The following COPG2 variants were observed in gnomAD, a reference collection of about 807,000 sequenced individuals.
The protein encoded by COPG2 is coatomer subunit gamma-2.
COPG2 carries 37 observed loss-of-function variants against 46.3 expected under a neutral mutation model. The observed-to-expected ratio is 0.80, with a 90% CI of 0.61 to 1.05. The LOEUF (loss-of-function observed/expected upper bound fraction) is 1.05, where lower values mean the gene tolerates loss of function less well. Ranked by LOEUF, COPG2 falls within the 50% of genes least tolerant of loss-of-function variation. COPG2 has a pLI of 0.00. For synonymous variants in COPG2, 159 were observed against 129.7 expected, an observed-to-expected ratio of 1.23 and a Z score of -1.53; for missense variants, 427 against 387.8, an observed-to-expected ratio of 1.10 and a Z score of -0.85.
rs1793746938 is a variant in COPG2 at position 130,563,339 on chromosome 7, A to G, written c.872-3T>C. The G allele has an allele frequency of 2.6e-6, 1 of 380,504 alleles. No individual in the cohort carries two copies. Among genetic ancestry groups the G allele is most frequent in the Non-Finnish European group, 4.7e-6 (1 of 214,994 alleles). The allele number at this position is 380,504 out of a possible 1,614,324, so 23.6% of individuals were successfully genotyped here. A position where few individuals can be genotyped will look rare whatever the true frequency, so the allele number is the denominator to read the frequency against. ...AGAACTACAGAAAAGTTGAAGAACT[A>G]AAAAAAAATAATAATAATAATATGT... On this transcript the variant is annotated splice_region_variant and splice_polypyrimidine_tract_variant and intron_variant, in intron 10 of 23. Transcript: ENST00000425248.
At chr7:130,536,279 C>T (rs1799878601) in intron 20 of COPG2, among the ~76,000 whole-genome samples, 1 of 151,932 alleles carries the variant, frequency 6.6e-6, no homozygotes, top group African/African-American at 2.4e-5. Flanking sequence ...GGAAGTGTAC[C>T]TGGAAATACC....
At chr7:130,592,050 G>A (rs537143178) in intron 9 of COPG2, among the ~76,000 whole-genome samples, 1 of 152,332 alleles carries the variant, frequency 6.6e-6, no homozygotes, top group East Asian at 1.9e-4. Context: ...ATTTTGTTCT[G>A]TACTAACAAA....
intron 9 of COPG2, among the ~76,000 whole-genome samples, chr7:130,590,413 G>A (rs1584987200): frequency 6.6e-6 from 1 of 152,208 alleles, no homozygotes; most frequent in African/African-American, 2.4e-5. Flanking sequence ...GCGCCGCCAC[G>A]CCTGACTGGT....
At chr7:130,593,298 A>C (rs528177636) in intron 9 of COPG2, among the ~76,000 whole-genome samples, 8 of 152,376 alleles carry the variant, frequency 5.3e-5, no homozygotes, top group Middle Eastern at 6.8e-3. Flanking sequence ...AATGAATAAA[A>C]TATCTGGAAA....
chr7:130,527,313 T>C (rs1799783767), intron 20 of COPG2, among the ~76,000 whole-genome samples: 1 of 151,228 alleles, frequency 6.6e-6, no homozygotes, highest in South Asian at 2.1e-4. Flanking sequence ...AGAGAGTGCC[T>C]GGCATACATG....
intron 20 of COPG2, among the ~76,000 whole-genome samples, chr7:130,545,808 T>C (rs1161786849): frequency 3.9e-5 from 6 of 152,144 alleles, no homozygotes; most frequent in African/African-American, 1.4e-4. Flanking sequence ...TAAAACTCCT[T>C]AGTGAAGAGG....
chr7:130,666,811 C>T (rs782358267), intron 3 of COPG2, 38 bp downstream of exon 3: 3 of 895,664 alleles, frequency 3.3e-6, no homozygotes, highest in South Asian at 3.1e-5. Flanking sequence ...ATTTCTATTC[C>T]AGGACACACT....
At chr7:130,592,191 T>C (rs1794443757) in intron 9 of COPG2, among the ~76,000 whole-genome samples, 1 of 152,144 alleles carries the variant, frequency 6.6e-6, no homozygotes, top group Non-Finnish European at 1.5e-5. Context: ...GTTAAACAGA[T>C]GCTTGAAGGC....
chr7:130,517,992 C>T (rs1175896714), intron 20 of COPG2, among the ~76,000 whole-genome samples: 1 of 152,162 alleles, frequency 6.6e-6, no homozygotes, highest in Non-Finnish European at 1.5e-5. Flanking sequence ...GAGCAGGAGC[C>T]AGAAAACAGA....
chr7:130,625,458 T>C (rs1795102437), intron 5 of COPG2, among the ~76,000 whole-genome samples: 1 of 152,098 alleles, frequency 6.6e-6, no homozygotes, highest in Non-Finnish European at 1.5e-5. Context: ...ATAATGAACA[T>C]CCTTGCTGTG....
At chr7:130,544,683 T>C (rs1793400751) in intron 20 of COPG2, among the ~76,000 whole-genome samples, 1 of 152,180 alleles carries the variant, frequency 6.6e-6, no homozygotes, top group African/African-American at 2.4e-5. Context: ...ATATAATATA[T>C]ATTGTTACGG....
At chr7:130,519,218 G>C (rs1263669944) in intron 20 of COPG2, among the ~76,000 whole-genome samples, 3 of 152,148 alleles carry the variant, frequency 2.0e-5, no homozygotes, top group African/African-American at 7.2e-5. Flanking sequence ...TGTTAAGCTA[G>C]ATACCAACCA....
chr7:130,650,862 A>C (rs1033577588), intron 5 of COPG2, among the ~76,000 whole-genome samples: 67 of 152,328 alleles, frequency 4.4e-4, no homozygotes, highest in African/African-American at 1.5e-3. Flanking sequence ...ACAATGGAGA[A>C]TGTCCAAAGA....
intron 20 of COPG2, among the ~76,000 whole-genome samples, chr7:130,527,850 A>G (rs1259115457): frequency 6.6e-6 from 1 of 152,122 alleles, no homozygotes; most frequent in African/African-American, 2.4e-5. Context: ...TGAAAAGGCA[A>G]TGGGACCACG....
chr7:130,605,773 C>T (rs201161422), intron 9 of COPG2: 204 of 520,038 alleles, frequency 3.9e-4, no homozygotes, highest in Middle Eastern at 9.5e-4. Context: ...CAGCACTCCA[C>T]CAACATCTTC....
intron 7 of COPG2, among the ~76,000 whole-genome samples, chr7:130,613,199 G>A (rs548285176): frequency 9.2e-5 from 14 of 152,188 alleles, no homozygotes; most frequent in Non-Finnish European, 1.9e-4. Context: ...ATATGAGGCC[G>A]GCAACCTAGA....
At chr7:130,601,139 A>G (rs557585217) in intron 9 of COPG2, among the ~76,000 whole-genome samples, 24 of 152,350 alleles carry the variant, frequency 1.6e-4, no homozygotes, top group Admixed American at 6.5e-4. Flanking sequence ...GGCACTCAGA[A>G]TGGCAATCAT....
intron 4 of COPG2, among the ~76,000 whole-genome samples, chr7:130,662,096 T>C (rs1376536266): frequency 6.6e-6 from 1 of 152,180 alleles, no homozygotes; most frequent in Non-Finnish European, 1.5e-5. Flanking sequence ...CTAAATTCTG[T>C]GACATCTTCT....
intron 5 of COPG2, among the ~76,000 whole-genome samples, chr7:130,641,718 A>T (rs1191013254): frequency 6.6e-6 from 1 of 152,198 alleles, no homozygotes; most frequent in African/African-American, 2.4e-5. Flanking sequence ...AATCTTCAGA[A>T]GTAATTATTC....
Sources: allele counts gnomAD v4.1 joint callset (sites outside exome capture counted in the v4.1 genomes callset), GRCh38; gene constraint gnomAD v4.1.1; transcripts MANE v1.5; gene names NCBI Gene and HGNC (gene_info 2026-07-23, HGNC 2026-07-21).